Variants in PDE4B observed in about 807,000 individuals in gnomAD.
PDE4B encodes the protein 3',5'-cyclic-AMP phosphodiesterase 4B.
A neutral mutation model predicts 82.2 loss-of-function variants in PDE4B; 20 were observed. The ratio of observed to expected loss-of-function variants is 0.24; its 90% CI spans 0.17 to 0.35. The LOEUF (loss-of-function observed/expected upper bound fraction) is 0.35, where lower values mean the gene tolerates loss of function less well. Ranked by LOEUF, PDE4B falls within the 10% of genes least tolerant of loss-of-function variation. The pLI is 1.00. For missense variants in PDE4B, 655 were observed against 907.2 expected, an observed-to-expected ratio of 0.72 and a Z score of 3.57; for synonymous variants, 320 against 318.9, an observed-to-expected ratio of 1.00 and a Z score of -0.04.
chr1:65,870,497 T>G (rs998167006), intron 1 of PDE4B, among the ~76,000 whole-genome samples: 2 of 152,208 alleles, frequency 1.3e-5, no homozygotes, highest in African/African-American at 4.8e-5. Context: ...TTATTGAGGT[T>G]TTTTTGAGGT....
Position 65,808,259 on chromosome 1 carries a change from A to T in PDE4B, c.-71+15011A>T, listed in dbSNP as rs560558825. 1.9e-4 allele frequency among the ~76,000 whole-genome samples: 28 copies of T among 150,576 alleles called. No homozygotes were observed. In the South Asian group the frequency reaches 5.5e-3, roughly 30 times the overall value. On this transcript the variant is annotated intron_variant, in intron 1 of 16. Coordinates refer to ENST00000341517, the MANE Select transcript of PDE4B (RefSeq NM_002600.4). ...CAATTCTAGCTCACTATAACCTTCAACTCCTGGGCTCAAGTGACCCTCCTG... is the reference window on the plus strand; with the variant it reads ...CAATTCTAGCTCACTATAACCTTCATCTCCTGGGCTCAAGTGACCCTCCTG...
chr1:66,097,450 GTTA>G (rs1347825124), intron 3 of PDE4B, among the ~76,000 whole-genome samples: 1 of 152,012 alleles, frequency 6.6e-6, no homozygotes, highest in Admixed American at 6.6e-5. Flanking sequence ...ATTTTTAAAT[GTTA>G]TTTGTCTTCT....
intron 1 of PDE4B, among the ~76,000 whole-genome samples, chr1:65,809,237 A>C (rs965258313): frequency 2.0e-5 from 3 of 149,114 alleles, no homozygotes; most frequent in Non-Finnish European, 4.4e-5. Context: ...AGGCTTAAGC[A>C]GGAGAATTGT....
At chr1:66,238,595 G>T (rs996445072) in intron 3 of PDE4B, among the ~76,000 whole-genome samples, 1 of 152,154 alleles carries the variant, frequency 6.6e-6, no homozygotes, top group African/African-American at 2.4e-5. Flanking sequence ...TACAGTTTCT[G>T]TATAGAGTGG....
intron 3 of PDE4B, among the ~76,000 whole-genome samples, chr1:66,112,110 C>G (rs1645500671): frequency 6.6e-6 from 1 of 152,044 alleles, no homozygotes; most frequent in African/African-American, 2.4e-5. Flanking sequence ...GGCAAAGAAT[C>G]TCCCGAGGTG....
At chr1:66,100,337 G>C (rs998021980) in intron 3 of PDE4B, among the ~76,000 whole-genome samples, 2 of 152,098 alleles carry the variant, frequency 1.3e-5, no homozygotes, top group Admixed American at 6.6e-5. Context: ...ACAGGTGTGA[G>C]CCACTGTGTC....
chr1:66,372,378 T>C lies in PDE4B; in HGVS notation c.1911T>C (p.Asp637=), dbSNP rs149054617. Residue 637 remains aspartate, a synonymous_variant, in exon 17 of 17, where the codon GAT becomes GAC. Transcript: ENST00000341517. ...CATGGGCAGATTTGGTACAGCCTGATGCTCAGGACATTCTCGATACCTTAG... is the reference window on the plus strand; with the variant it reads ...CATGGGCAGATTTGGTACAGCCTGACGCTCAGGACATTCTCGATACCTTAG... ...WETWADLVQP[D]AQDILDTLED... 2 of 1,614,112 alleles carry C rather than the reference T, an allele frequency of 1.2e-6. No homozygotes were observed. The highest frequency in any genetic ancestry group is 1.7e-6 in the Non-Finnish European group (2 of 1,179,934).
At chr1:66,290,492 G>A (rs1656993555) in intron 7 of PDE4B, among the ~76,000 whole-genome samples, 1 of 152,174 alleles carries the variant, frequency 6.6e-6, no homozygotes, top group Non-Finnish European at 1.5e-5. Context: ...GACATTTGAG[G>A]AGAGAAGCTA....
chr1:65,943,263 G>T (rs963346306), intron 3 of PDE4B, among the ~76,000 whole-genome samples: 2 of 151,548 alleles, frequency 1.3e-5, no homozygotes, highest in African/African-American at 2.4e-5. Flanking sequence ...GTTTATTAAC[G>T]AATATTCTCA....
chr1:65,970,967 G>T (rs1246578592), intron 3 of PDE4B, among the ~76,000 whole-genome samples: 1 of 151,184 alleles, frequency 6.6e-6, no homozygotes, highest in Non-Finnish European at 1.5e-5. Flanking sequence ...GAAAGGATAG[G>T]CTAAAGGATA....
intron 3 of PDE4B, among the ~76,000 whole-genome samples, chr1:65,971,082 T>A (rs1489809078): frequency 6.6e-6 from 1 of 150,554 alleles, no homozygotes; most frequent in Non-Finnish European, 1.5e-5. Flanking sequence ...AAGAGTGACA[T>A]GGTCAGGCTG....
intron 3 of PDE4B, among the ~76,000 whole-genome samples, chr1:66,021,598 G>C (rs757237685): frequency 7.4e-4 from 113 of 152,062 alleles, no homozygotes; most frequent in South Asian, 3.3e-3. Context: ...TCTTGTTTTT[G>C]TCAGGTTTGT....
intron 3 of PDE4B, among the ~76,000 whole-genome samples, chr1:66,180,164 A>G (rs1647030031): frequency 6.6e-6 from 1 of 152,204 alleles, no homozygotes; most frequent in African/African-American, 2.4e-5. Context: ...GAACGAATAC[A>G]TGTATTGCAA....
intron 1 of PDE4B, among the ~76,000 whole-genome samples, chr1:65,883,760 T>C (rs904835164): frequency 3.9e-5 from 6 of 152,192 alleles, no homozygotes; most frequent in Non-Finnish European, 1.5e-5. Context: ...TGCTTCCAGT[T>C]TGTGCCCATT....
chr1:66,311,960 G>A (rs758475372), intron 7 of PDE4B, among the ~76,000 whole-genome samples: 5 of 152,100 alleles, frequency 3.3e-5, no homozygotes, highest in Non-Finnish European at 5.9e-5. Flanking sequence ...CCTTCCTTAC[G>A]TATAAATCCC....
intron 3 of PDE4B, among the ~76,000 whole-genome samples, chr1:65,958,462 CAA>C (rs1018386398): frequency 1.3e-5 from 2 of 151,880 alleles, no homozygotes; most frequent in African/African-American, 4.8e-5. Flanking sequence ...TAAAAAGTAT[CAA>C]TGATATGGTA....
At chr1:66,157,380 C>T (rs902268461) in intron 3 of PDE4B, among the ~76,000 whole-genome samples, 1 of 152,216 alleles carries the variant, frequency 6.6e-6, no homozygotes, top group Admixed American at 6.5e-5. Context: ...CAAAGTGATA[C>T]TTTCAAATGA....
chr1:65,827,470 T>TA (rs1013618013), intron 1 of PDE4B, among the ~76,000 whole-genome samples: 13 of 151,960 alleles, frequency 8.6e-5, no homozygotes, highest in Non-Finnish European at 1.5e-4. Flanking sequence ...AAAATGCTAT[T>TA]AAAAAAACCC....
At position 66,363,585 on chromosome 1, in the gene PDE4B, A is replaced by T. The variant is rs769056607; in HGVS notation, c.1284+14A>T. ...CCAGCATTAGACGTGAGTAATTATGACCTGTTTTGCATTCCTGCCCATCCT... is the reference window on the plus strand; with the variant it reads ...CCAGCATTAGACGTGAGTAATTATGTCCTGTTTTGCATTCCTGCCCATCCT... On this transcript the variant is annotated intron_variant, in intron 12 of 16. Transcript: ENST00000341517. The T allele has an allele frequency of 6.2e-7, 1 of 1,601,954 alleles. No individual in the cohort carries two copies. The highest frequency in any genetic ancestry group is 1.1e-5 in the South Asian group (1 of 89,858).
Sources: gnomAD v4.1 joint callset for allele counts (sites outside exome capture counted in the v4.1 genomes callset) on GRCh38, gnomAD v4.1.1 for gene constraint, MANE v1.5 for transcripts, NCBI Gene and HGNC (gene_info 2026-07-23, HGNC 2026-07-21) for gene names.